CTNNA3: variants seen among roughly 807,000 people sequenced by gnomAD.
The protein encoded by CTNNA3 is catenin alpha-3.
In CTNNA3, 76 loss-of-function variants were observed where a neutral mutation model predicts 95.7. That is an observed-to-expected ratio of 0.79 (90% confidence interval 0.66 to 0.96). CTNNA3 has a LOEUF of 0.96. Ranked by LOEUF, CTNNA3 falls within the 40% of genes least tolerant of loss-of-function variation. The pLI is 0.00. For synonymous variants in CTNNA3, 431 were observed against 374.4 expected (o/e 1.15, Z -1.74); for missense variants, 1,191 against 1,089.8 (o/e 1.09, Z -1.31).
At chr10:67,696,699 T>C (rs556581712), upstream of CTNNA3, among the ~76,000 whole-genome samples, 1 of 145,624 alleles carries the variant, frequency 6.9e-6, no homozygotes, top group East Asian at 2.3e-4. Flanking sequence ...AACCCATTAT[T>C]AAATTTAAGC....
intron 17 of CTNNA3, among the ~76,000 whole-genome samples, chr10:65,951,023 A>G (rs756216013): frequency 2.0e-5 from 3 of 152,298 alleles, no homozygotes; most frequent in Non-Finnish European, 2.9e-5. Flanking sequence ...TGTCAAATCA[A>G]TTCTCAAATC....
intron 7 of CTNNA3, among the ~76,000 whole-genome samples, chr10:67,053,232 C>T (rs1855220027): frequency 6.6e-6 from 1 of 152,120 alleles, no homozygotes; most frequent in Non-Finnish European, 1.5e-5. Context: ...GAAAATAAGG[C>T]TACCTACACA....
chr10:66,157,429 GTAGA>G (rs1299634844), intron 13 of CTNNA3, among the ~76,000 whole-genome samples: 142 of 135,904 alleles, frequency 1.0e-3, no homozygotes, highest in East Asian at 2.9e-3. Flanking sequence ...AGGTAGGTAG[GTAGA>G]TAGATAGATA....
intron 9 of CTNNA3, among the ~76,000 whole-genome samples, chr10:66,639,022 T>C (rs1845429058): frequency 6.6e-6 from 1 of 152,202 alleles, no homozygotes. Context: ...TGGTGAATAA[T>C]TCATTTCCTG....
At chr10:67,425,781 C>T (rs1845902485) in intron 5 of CTNNA3, among the ~76,000 whole-genome samples, 1 of 152,038 alleles carries the variant, frequency 6.6e-6, no homozygotes, top group Admixed American at 6.6e-5. Context: ...TGCATCACCA[C>T]TCATAGAGAA....
chr10:67,236,224 C>A (rs1007075635), intron 5 of CTNNA3, among the ~76,000 whole-genome samples: 3 of 147,916 alleles, frequency 2.0e-5, no homozygotes, highest in Non-Finnish European at 4.5e-5. Context: ...ATGTTTATTG[C>A]GGCATTATTC....
intron 17 of CTNNA3, among the ~76,000 whole-genome samples, chr10:65,925,947 T>A (rs2077162919): frequency 1.3e-5 from 2 of 151,632 alleles, no homozygotes; most frequent in South Asian, 4.2e-4. Context: ...TGTATACACA[T>A]AATATATAAA....
At chr10:67,112,555 T>A (rs1054105394) in intron 7 of CTNNA3, among the ~76,000 whole-genome samples, 1 of 152,138 alleles carries the variant, frequency 6.6e-6, no homozygotes, top group East Asian at 1.9e-4. Flanking sequence ...GGAAGCTGAT[T>A]TGTATTTCAG....
chr10:67,260,134 G>A (rs139460207), intron 5 of CTNNA3, among the ~76,000 whole-genome samples: 174 of 152,230 alleles, frequency 1.1e-3, no homozygotes, highest in African/African-American at 3.9e-3. Context: ...TAACGGCATC[G>A]TTTCCTAAAT....
At chr10:67,147,105 A>G (rs1255619769) in intron 7 of CTNNA3, among the ~76,000 whole-genome samples, 1 of 152,202 alleles carries the variant, frequency 6.6e-6, no homozygotes, top group African/African-American at 2.4e-5. Context: ...ATGACTATAC[A>G]TCCACCTCTT....
intron 2 of CTNNA3, among the ~76,000 whole-genome samples, chr10:67,611,764 A>C (rs1357229184): frequency 6.6e-6 from 1 of 152,094 alleles, no homozygotes; most frequent in African/African-American, 2.4e-5. Context: ...CTTGTTTATT[A>C]GCTAAAACAC....
At chr10:67,238,919 G>A (rs558251607) in intron 5 of CTNNA3, among the ~76,000 whole-genome samples, 13 of 151,924 alleles carry the variant, frequency 8.6e-5, no homozygotes, top group African/African-American at 3.1e-4. Context: ...TTTTTGTTAA[G>A]GAAACAGACA....
At position 66,624,020 on chromosome 10, in the gene CTNNA3, G is replaced by GT. The variant is rs570971052; in HGVS notation, c.1282-2237dup. On this transcript the variant is annotated intron_variant, in intron 9 of 17. Transcript: ENST00000433211. Reference sequence around the variant, plus strand: ...ATACAGCCTGCAAATAAGATGTTCTGTAAAAATAGTTTTAGATATTTGGAC... The same window carrying GT: ...ATACAGCCTGCAAATAAGATGTTCTGTTAAAAATAGTTTTAGATATTTGGAC... Among the ~76,000 whole-genome samples the GT allele has an allele frequency of 1.1e-3, 162 of 152,194 alleles. 3 individuals are homozygous for GT. The highest frequency in any genetic ancestry group is 7.5e-3 in the East Asian group (39 of 5,172).
intron 5 of CTNNA3, among the ~76,000 whole-genome samples, chr10:67,318,461 A>C (rs1841162115): frequency 6.6e-6 from 1 of 152,188 alleles, no homozygotes; most frequent in South Asian, 2.1e-4. Context: ...AAAGAAATGA[A>C]AACTAATGGA....
intron 5 of CTNNA3, among the ~76,000 whole-genome samples, chr10:67,275,143 T>A (rs1022097896): frequency 6.6e-6 from 1 of 152,192 alleles, no homozygotes; most frequent in African/African-American, 2.4e-5. Context: ...TGGTGGGCAC[T>A]CTTCTGAGTA....
intron 7 of CTNNA3, among the ~76,000 whole-genome samples, chr10:66,953,972 A>C (rs1454660806): frequency 6.6e-6 from 1 of 152,154 alleles, no homozygotes; most frequent in Non-Finnish European, 1.5e-5. Context: ...CTATCACAGA[A>C]GTTTTGAAAT....
At chr10:66,655,281 G>A (rs1334498239) in intron 9 of CTNNA3, among the ~76,000 whole-genome samples, 1 of 151,956 alleles carries the variant, frequency 6.6e-6, no homozygotes, top group Non-Finnish European at 1.5e-5. Flanking sequence ...AAAGATATTT[G>A]CACAATTAAA....
At chr10:66,618,968 C>A (rs1413909335) in intron 10 of CTNNA3, among the ~76,000 whole-genome samples, 1 of 152,176 alleles carries the variant, frequency 6.6e-6, no homozygotes, top group Non-Finnish European at 1.5e-5. Flanking sequence ...AAATGCTCAT[C>A]ATCACTGGCC....
intron 1 of CTNNA3, among the ~76,000 whole-genome samples, chr10:67,743,453 G>A (rs906384350): frequency 2.0e-5 from 3 of 150,952 alleles, no homozygotes; most frequent in South Asian, 2.1e-4. Flanking sequence ...ATTCAACAAC[G>A]CTTCATGCTA....
Sources: allele counts gnomAD v4.1 joint callset (sites outside exome capture counted in the v4.1 genomes callset), GRCh38; gene constraint gnomAD v4.1.1; transcripts MANE v1.5; gene names NCBI Gene and HGNC (gene_info 2026-07-23, HGNC 2026-07-21).